ARHGAP18: variants seen among roughly 807,000 people sequenced by gnomAD.
ARHGAP18 encodes the protein Rho GTPase activating protein 18.
In ARHGAP18, 67 loss-of-function variants were observed where a neutral mutation model predicts 86.2. The ratio of observed to expected loss-of-function variants is 0.78; its 90% CI spans 0.64 to 0.95. The LOEUF (loss-of-function observed/expected upper bound fraction) is 0.95, where lower values mean the gene tolerates loss of function less well. ARHGAP18 is among the 40% of genes least tolerant of loss of function. The probability of loss-of-function intolerance (pLI) is 0.00; values close to 1 mark genes in which losing one functional copy is unlikely to be tolerated. For missense variants in ARHGAP18, 691 were observed against 780.4 expected, an observed-to-expected ratio of 0.89 and a Z score of 1.37; for synonymous variants, 283 against 280.4, an observed-to-expected ratio of 1.01 and a Z score of -0.09.
chr6:129,708,403 G>C (rs542676373), intron 1 of ARHGAP18, among the ~76,000 whole-genome samples: 1 of 152,114 alleles, frequency 6.6e-6, no homozygotes, highest in South Asian at 2.1e-4. Flanking sequence ...GGCAGAGAAT[G>C]ATCTGATCCT....
chr6:129,704,393 C>T (rs1366792385), intron 1 of ARHGAP18, among the ~76,000 whole-genome samples: 1 of 151,774 alleles, frequency 6.6e-6, no homozygotes, highest in Admixed American at 6.6e-5. Context: ...TGCAGTGTGC[C>T]AAGATGACCC....
At chr6:129,602,250 AC>A (rs1316789381) in intron 10 of ARHGAP18, among the ~76,000 whole-genome samples, 1 of 152,160 alleles carries the variant, frequency 6.6e-6, no homozygotes, top group Non-Finnish European at 1.5e-5. Flanking sequence ...TGCTGTAATT[AC>A]CTCCATTTTA....
At chr6:129,589,482 C>T (rs1788467613) in intron 12 of ARHGAP18, among the ~76,000 whole-genome samples, 1 of 152,170 alleles carries the variant, frequency 6.6e-6, no homozygotes, top group African/African-American at 2.4e-5. Context: ...ACACTATCAG[C>T]ATTTTGGTCA....
chr6:129,684,827 T>TG (rs1459241705), intron 1 of ARHGAP18, among the ~76,000 whole-genome samples: 1 of 152,192 alleles, frequency 6.6e-6, no homozygotes, highest in Non-Finnish European at 1.5e-5. Context: ...CGAAGCCTAA[T>TG]ACTACCCCAA....
intron 1 of ARHGAP18, among the ~76,000 whole-genome samples, chr6:129,672,218 AG>A (rs1774154785): frequency 6.6e-6 from 1 of 152,136 alleles, no homozygotes; most frequent in Admixed American, 6.5e-5. Context: ...CACCCATCCC[AG>A]GTTCTTCTGA....
chr6:129,699,830 C>G lies in ARHGAP18; in HGVS notation c.113+10194G>C, dbSNP rs146731075. Among the ~76,000 whole-genome samples the G allele has an allele frequency of 1.2e-3, 179 of 152,274 alleles. 1 individual carries two copies. The highest frequency in any genetic ancestry group is 3.7e-3 in the African/African-American group (152 of 41,558). On this transcript the variant is annotated intron_variant, in intron 1 of 14. Coordinates refer to ENST00000368149, the MANE Select transcript of ARHGAP18 (RefSeq NM_033515.3). ...TTTATGAGCCTTTTGTAAGCAGGAA[C>G]TACTGTGTTGATAAGAACTTGAAAT...
intron 5 of ARHGAP18, among the ~76,000 whole-genome samples, 185 bp from the exon 6 acceptor site, chr6:129,619,037 G>A (rs954731696): frequency 6.0e-5 from 9 of 151,212 alleles, no homozygotes; most frequent in Non-Finnish European, 1.3e-4. Context: ...GCTGTGGAGG[G>A]TTCGGGAGTC....
chr6:129,586,769 TC>T (rs1788402396), intron 12 of ARHGAP18, among the ~76,000 whole-genome samples: 1 of 152,156 alleles, frequency 6.6e-6, no homozygotes, highest in Non-Finnish European at 1.5e-5. Context: ...CCTGGCCTTT[TC>T]CCCCACTATT....
intron 1 of ARHGAP18, among the ~76,000 whole-genome samples, chr6:129,683,173 A>G (rs187919386): frequency 4.6e-5 from 7 of 150,848 alleles, no homozygotes; most frequent in African/African-American, 1.7e-4. Context: ...CCAGGTTCAC[A>G]CCATTCTCCT....
At chr6:129,604,947 T>C (rs1788822213) in intron 10 of ARHGAP18, among the ~76,000 whole-genome samples, 1 of 152,154 alleles carries the variant, frequency 6.6e-6, no homozygotes, top group Non-Finnish European at 1.5e-5. Flanking sequence ...CAAGGAGTTT[T>C]AATGAATTAC....
At chr6:129,605,164 T>C (rs972142552) in intron 10 of ARHGAP18, among the ~76,000 whole-genome samples, 9 of 152,142 alleles carry the variant, frequency 5.9e-5, no homozygotes, top group Admixed American at 2.6e-4. Flanking sequence ...GAGTTTATAA[T>C]TAAACCTTTT....
intron 11 of ARHGAP18, 127 bp downstream of exon 11, chr6:129,600,515 T>TA (rs2114448295): frequency 1.4e-6 from 1 of 721,128 alleles, no homozygotes; most frequent in Non-Finnish European, 2.2e-6. Flanking sequence ...CCTCCTTACC[T>TA]ATATGAATAA....
At chr6:129,699,691 A>G (rs1205647528) in intron 1 of ARHGAP18, among the ~76,000 whole-genome samples, 1 of 152,182 alleles carries the variant, frequency 6.6e-6, no homozygotes, top group East Asian at 1.9e-4. Context: ...TGGCTTCTGC[A>G]TTTCTAATTG....
At chr6:129,645,700 C>A (rs375839638) in intron 1 of ARHGAP18, among the ~76,000 whole-genome samples, 1 of 152,184 alleles carries the variant, frequency 6.6e-6, no homozygotes. Flanking sequence ...TATAAAGAAT[C>A]GCTTCCTAGC....
chr6:129,622,244 A>T (rs1789245217), intron 5 of ARHGAP18, among the ~76,000 whole-genome samples: 1 of 152,178 alleles, frequency 6.6e-6, no homozygotes. Context: ...CCTTTTTAAA[A>T]ATCACACAAA....
chr6:129,672,187 C>G (rs976781803), intron 1 of ARHGAP18, among the ~76,000 whole-genome samples: 22 of 152,160 alleles, frequency 1.4e-4, no homozygotes, highest in Non-Finnish European at 8.8e-5. Context: ...TCAAATTTAA[C>G]CGTCTGTGTC....
At chr6:129,611,154 G>T (rs1383285346) in intron 8 of ARHGAP18, among the ~76,000 whole-genome samples, 1 of 152,108 alleles carries the variant, frequency 6.6e-6, no homozygotes, top group East Asian at 1.9e-4. Context: ...CTCCCGCCTT[G>T]GCCTCCCAAA....
At chr6:129,674,703 A>C (rs190126057) in intron 1 of ARHGAP18, among the ~76,000 whole-genome samples, 147 of 152,320 alleles carry the variant, frequency 9.7e-4, no homozygotes, top group Admixed American at 2.3e-3. Flanking sequence ...ACCATTTTAT[A>C]TTGGGAACTT....
intron 1 of ARHGAP18, among the ~76,000 whole-genome samples, chr6:129,704,325 A>T (rs1189068414): frequency 6.6e-6 from 1 of 152,032 alleles, no homozygotes; most frequent in Non-Finnish European, 1.5e-5. Context: ...GGCACCTGTA[A>T]TCCCAGCTAC....
Sources: allele counts gnomAD v4.1 joint callset (sites outside exome capture counted in the v4.1 genomes callset), GRCh38; gene constraint gnomAD v4.1.1; transcripts MANE v1.5; gene names NCBI Gene and HGNC (gene_info 2026-07-23, HGNC 2026-07-21).